GPC6: variants seen among roughly 807,000 people sequenced by gnomAD.
The protein encoded by GPC6 is glypican 6.
In GPC6, 14 loss-of-function variants were observed where a neutral mutation model predicts 55.2. That is an observed-to-expected ratio of 0.25 (90% confidence interval 0.17 to 0.40). The LOEUF (loss-of-function observed/expected upper bound fraction) is 0.40. GPC6 is among the 10% of genes least tolerant of loss of function. The pLI is 1.00. For synonymous variants in GPC6, 278 were observed against 259.6 expected, an observed-to-expected ratio of 1.07 and a Z score of -0.68; for missense variants, 641 against 708.5, an observed-to-expected ratio of 0.90 and a Z score of 1.08.
intron 1 of GPC6, among the ~76,000 whole-genome samples, chr13:93,488,859 T>G (rs1418127143): frequency 6.6e-6 from 1 of 152,186 alleles, no homozygotes; most frequent in Non-Finnish European, 1.5e-5. Flanking sequence ...CTTTGTAGAT[T>G]CTGGATATTA....
At position 94,301,949 on chromosome 13, in the gene GPC6, G is replaced by A. The variant is rs970219718; in HGVS notation, c.1009-4031G>A. ...GGGATACCCAAGCCACTGAGGAAAA[G>A]GCTAACTGGTCTCTTATACTAACCT... On this transcript the variant is annotated intron_variant, in intron 5 of 8. Coordinates refer to ENST00000377047, the MANE Select transcript of GPC6 (RefSeq NM_005708.5). 5.3e-5 allele frequency among the ~76,000 whole-genome samples: 8 copies of A among 152,056 alleles called. No individual in the cohort carries two copies. In the South Asian group the frequency reaches 1.2e-3, roughly 24 times the overall value.
chr13:94,262,962 ATC>A (rs1891698153), intron 4 of GPC6, among the ~76,000 whole-genome samples: 1 of 152,256 alleles, frequency 6.6e-6, no homozygotes, highest in Admixed American at 6.5e-5. Flanking sequence ...AAAATTGCCC[ATC>A]TCTCTGCCTA....
chr13:93,672,248 T>G (rs111742604), intron 2 of GPC6, among the ~76,000 whole-genome samples: 2,016 of 151,544 alleles, frequency 0.013, 21 homozygotes, highest in Middle Eastern at 0.024. Context: ...TGTATATATA[T>G]GTTGAACACA....
chr13:93,248,235 ACT>A (rs1876667505), intron 1 of GPC6, among the ~76,000 whole-genome samples: 2 of 152,186 alleles, frequency 1.3e-5, no homozygotes, highest in African/African-American at 4.8e-5. Context: ...GATTTTTACA[ACT>A]GGAATAACAA....
intron 2 of GPC6, among the ~76,000 whole-genome samples, chr13:93,558,278 A>G (rs985735857): frequency 6.6e-6 from 1 of 152,228 alleles, no homozygotes; most frequent in Non-Finnish European, 1.5e-5. Flanking sequence ...CTTCATCCTC[A>G]TCACTGTCAT....
Position 93,243,827 on chromosome 13 carries a change from A to G in GPC6, c.160+16211A>G, listed in dbSNP as rs145625459. On this transcript the variant is annotated intron_variant, in intron 1 of 8. Coordinates refer to ENST00000377047, the MANE Select transcript of GPC6 (RefSeq NM_005708.5). ...TGTTACTGTGTCAGAAGATGTTGTA[A>G]TGGGCTGTGCTGGGTGAAGTCGGGC... 6.1e-3 allele frequency among the ~76,000 whole-genome samples: 928 copies of G among 152,184 alleles called. 4 individuals are homozygous for G. The highest frequency in any genetic ancestry group is 0.017 in the Middle Eastern group (5 of 294).
At chr13:94,240,779 T>G (rs1217382115) in intron 4 of GPC6, among the ~76,000 whole-genome samples, 2 of 151,986 alleles carry the variant, frequency 1.3e-5, no homozygotes, top group African/African-American at 4.8e-5. Context: ...CGTATAAGCA[T>G]GAAGGAGAGA....
chr13:93,835,763 T>G (rs894150500), intron 3 of GPC6, among the ~76,000 whole-genome samples: 1 of 152,000 alleles, frequency 6.6e-6, no homozygotes, highest in African/African-American at 2.4e-5. Context: ...AATAAATAAA[T>G]AAATAAATAA....
intron 2 of GPC6, among the ~76,000 whole-genome samples, chr13:93,735,504 G>A (rs1451186137): frequency 1.4e-5 from 2 of 147,586 alleles, no homozygotes. Context: ...ATCGGTGACA[G>A]AGCAAGACTC....
chr13:94,175,594 G>A (rs756097558), intron 4 of GPC6, among the ~76,000 whole-genome samples: 1 of 151,996 alleles, frequency 6.6e-6, no homozygotes, highest in Non-Finnish European at 1.5e-5. Flanking sequence ...GCTTTCCAAA[G>A]TGGTTGAACC....
At chr13:94,273,668 G>T (rs1363712349) in intron 4 of GPC6, among the ~76,000 whole-genome samples, 1 of 152,186 alleles carries the variant, frequency 6.6e-6, no homozygotes, top group Non-Finnish European at 1.5e-5. Flanking sequence ...TGGAGTGAGA[G>T]CAGATACGAG....
chr13:93,844,941 G>A (rs529767891), intron 3 of GPC6, among the ~76,000 whole-genome samples: 5 of 152,192 alleles, frequency 3.3e-5, no homozygotes, highest in Admixed American at 3.3e-4. Flanking sequence ...GTTTGTCAAA[G>A]ATCAGATAGT....
At chr13:93,548,571 A>G (rs1403160398) in intron 2 of GPC6, among the ~76,000 whole-genome samples, 1 of 152,128 alleles carries the variant, frequency 6.6e-6, no homozygotes, top group Non-Finnish European at 1.5e-5. Context: ...ACCATATTCT[A>G]TTTATTGTCT....
At chr13:93,482,985 G>A (rs1185660765) in intron 1 of GPC6, among the ~76,000 whole-genome samples, 1 of 152,100 alleles carries the variant, frequency 6.6e-6, no homozygotes, top group African/African-American at 2.4e-5. Context: ...TTAGGAGACC[G>A]TAAATGTGAC....
intron 1 of GPC6, among the ~76,000 whole-genome samples, chr13:93,496,429 A>G (rs1338917437): frequency 2.6e-5 from 4 of 152,164 alleles, no homozygotes; most frequent in Non-Finnish European, 5.9e-5. Context: ...CCCTAGGGAG[A>G]TGAACCCATT....
intron 1 of GPC6, among the ~76,000 whole-genome samples, chr13:93,260,914 G>T (rs1439137538): frequency 6.6e-6 from 1 of 152,064 alleles, no homozygotes; most frequent in Non-Finnish European, 1.5e-5. Flanking sequence ...TGGTAGTTCA[G>T]TATTGGTTTA....
intron 1 of GPC6, among the ~76,000 whole-genome samples, chr13:93,292,165 A>G (rs1878339392): frequency 6.6e-6 from 1 of 152,184 alleles, no homozygotes; most frequent in Non-Finnish European, 1.5e-5. Flanking sequence ...TAATAGCTTT[A>G]TTGTATTTCA....
Position 94,203,060 on chromosome 13 carries a change from T to G in GPC6, c.878-83289T>G, listed in dbSNP as rs192483344. Reference sequence around the variant, plus strand: ...TTTCAAATGCCCCAAAAGTGATAGATTAAAAAGGTTTTATAGTTTTATAAA... The same window carrying G: ...TTTCAAATGCCCCAAAAGTGATAGAGTAAAAAGGTTTTATAGTTTTATAAA... On this transcript the variant is annotated intron_variant, in intron 4 of 8. Transcript: ENST00000377047. Among the ~76,000 whole-genome samples the G allele has an allele frequency of 4.6e-5, 7 of 152,058 alleles. No homozygotes were observed. In the East Asian group the frequency reaches 1.4e-3, roughly 30 times the overall value.
intron 4 of GPC6, among the ~76,000 whole-genome samples, chr13:94,262,663 A>G (rs1891687761): frequency 7.0e-6 from 1 of 142,950 alleles, no homozygotes; most frequent in Admixed American, 7.4e-5. Flanking sequence ...ACAGAGTGAG[A>G]CTCCGTCTCA....
Sources: allele counts gnomAD v4.1 joint callset (sites outside exome capture counted in the v4.1 genomes callset), GRCh38; gene constraint gnomAD v4.1.1; transcripts MANE v1.5; gene names NCBI Gene and HGNC (gene_info 2026-07-23, HGNC 2026-07-21).